ATF7: variants seen among roughly 807,000 people sequenced by gnomAD.
The protein encoded by ATF7 is activating transcription factor 7, also known as cyclic AMP-dependent transcription factor ATF-7.
Under a neutral mutation model 50.4 loss-of-function variants are expected in ATF7, and 10 were observed. The observed-to-expected ratio is 0.20, with a 90% CI of 0.12 to 0.34. The LOEUF (loss-of-function observed/expected upper bound fraction) is 0.34, where lower values mean the gene tolerates loss of function less well. Among genes scored for constraint, ATF7 ranks in the 10% least tolerant of loss-of-function variants. ATF7 has a pLI of 1.00. For synonymous variants in ATF7, 201 were observed against 226.4 expected (o/e 0.89, Z 1.01); for missense variants, 465 against 613.9 (o/e 0.76, Z 2.56).
rs147117893 is a variant in ATF7, at chr12:53,539,938, T to C, written c.265-2386A>G. On this transcript the variant is annotated intron_variant, in intron 4 of 11. Coordinates refer to ENST00000420353, the MANE Select transcript of ATF7 (RefSeq NM_006856.3). The stretch of plus-strand genomic sequence containing the variant: ...TGCAAAAATTAGCTGGGTGTGGTGG[T>C]GAGTGCCTGTAGTCCTAGTTACTCC... 2.6e-3 allele frequency among the ~76,000 whole-genome samples: 394 copies of C among 151,688 alleles called. 1 individual carries two copies. The highest frequency in any genetic ancestry group is 9.0e-3 in the African/African-American group (373 of 41,328).
rs143614485 is a variant in ATF7, at chr12:53,524,008, C to G, written c.1125+556G>C. Among the ~76,000 whole-genome samples the G allele has an allele frequency of 1.3e-5, 2 of 152,196 alleles. No homozygotes were observed. The highest frequency in any genetic ancestry group is 2.4e-5 in the African/African-American group (1 of 41,520). ...CTGAATGTATCTACAGGAAAGAGAA[C>G]GGGACTAGAAAAGGCAGATTAAAGA... On this transcript the variant is annotated intron_variant, in intron 10 of 11. Coordinates refer to ENST00000420353, the MANE Select transcript of ATF7 (RefSeq NM_006856.3). The surrounding 1 kb of genome is among the most constrained non-coding windows in gnomAD (Gnocchi z 4.6).
intron 10 of ATF7, 30 bp from the exon 11 acceptor site, chr12:53,523,414 A>G (rs1938242612): frequency 2.6e-6 from 4 of 1,519,682 alleles, no homozygotes; most frequent in Non-Finnish European, 3.7e-6. Context: ...AAGAGTATCA[A>G]GAAAATTCAT....
chr12:53,572,568 A>G (rs933548675), intron 2 of ATF7, among the ~76,000 whole-genome samples: 1 of 151,906 alleles, frequency 6.6e-6, no homozygotes, highest in Admixed American at 6.6e-5. Context: ...TGGCGGGGGG[A>G]AAGGGAAAAG....
chr12:53,593,169 C>T (rs896138144), intron 2 of ATF7, among the ~76,000 whole-genome samples: 4 of 152,114 alleles, frequency 2.6e-5, no homozygotes, highest in African/African-American at 9.7e-5. Flanking sequence ...ACTTGGGAGC[C>T]TCGGGTGAGA....
chr12:53,575,205 C>T (rs1307865788), intron 2 of ATF7, among the ~76,000 whole-genome samples: 3 of 151,702 alleles, frequency 2.0e-5, no homozygotes, highest in African/African-American at 4.8e-5. Context: ...GTTGAGAGTT[C>T]GAGACCAGCC....
chr12:53,580,443 T>A (rs572897190), intron 2 of ATF7, among the ~76,000 whole-genome samples: 1 of 150,446 alleles, frequency 6.6e-6, no homozygotes, highest in East Asian at 2.0e-4. Flanking sequence ...GGCGGGTAGA[T>A]CACAAGGTCA....
chr12:53,571,533 G>A (rs1262565371), intron 2 of ATF7, among the ~76,000 whole-genome samples: 1 of 151,618 alleles, frequency 6.6e-6, no homozygotes, highest in African/African-American at 2.4e-5. Context: ...CAGGCACAGT[G>A]GTGTGCACCT....
intron 1 of ATF7, among the ~76,000 whole-genome samples, chr12:53,610,790 T>C (rs1016952343): frequency 1.3e-5 from 2 of 152,134 alleles, no homozygotes; most frequent in African/African-American, 2.4e-5. Context: ...TCATTTTATT[T>C]AGGAAAATTA....
chr12:53,550,327 A>T (rs866628959), intron 3 of ATF7, among the ~76,000 whole-genome samples: 6 of 113,526 alleles, frequency 5.3e-5, no homozygotes, highest in Admixed American at 9.5e-5. Flanking sequence ...CTGTCTCAAA[A>T]AAAAAAATAA....
chr12:53,601,063 C>T (rs1943381073), intron 1 of ATF7, 42 bp from the exon 2 acceptor site: 3 of 1,333,326 alleles, frequency 2.3e-6, no homozygotes, highest in South Asian at 1.3e-5. Context: ...GTTAAATATG[C>T]TGGAGCAAAA....
At chr12:53,527,698 G>A (rs1210094057) in intron 9 of ATF7, among the ~76,000 whole-genome samples, 2 of 151,336 alleles carry the variant, frequency 1.3e-5, no homozygotes, top group Non-Finnish European at 2.9e-5. Context: ...GCATGGCTTA[G>A]ACCAGGATGG....
chr12:53,607,444 C>G (rs1943662241), intron 1 of ATF7, among the ~76,000 whole-genome samples: 1 of 152,126 alleles, frequency 6.6e-6, no homozygotes, highest in African/African-American at 2.4e-5. Context: ...TTCAGTCTCT[C>G]TATTCTAAGG....
intron 2 of ATF7, among the ~76,000 whole-genome samples, chr12:53,584,161 A>G (rs2137721685): frequency 6.6e-6 from 1 of 152,232 alleles, no homozygotes. Context: ...TTGTATTTTT[A>G]GGAGAGACGG....
chr12:53,613,407 A>G (rs770710794), intron 1 of ATF7, among the ~76,000 whole-genome samples: 115 of 152,198 alleles, frequency 7.6e-4, no homozygotes, highest in Non-Finnish European at 1.4e-3. Flanking sequence ...TGGGTTTGTT[A>G]TTTTAAAGTA....
chr12:53,535,132 G>A (rs1939139836), intron 5 of ATF7, among the ~76,000 whole-genome samples: 1 of 152,088 alleles, frequency 6.6e-6, no homozygotes, highest in Non-Finnish European at 1.5e-5. Flanking sequence ...TGATCATACT[G>A]TAATAAAACA....
intron 2 of ATF7, among the ~76,000 whole-genome samples, chr12:53,566,251 T>G (rs1010014870): frequency 4.6e-5 from 7 of 152,158 alleles, no homozygotes; most frequent in Non-Finnish European, 1.0e-4. Context: ...TGTCAATTAA[T>G]GCCTTGTATA....
At position 53,559,122 on chromosome 12, in the gene ATF7, A is replaced by T. The variant is rs988304735; in HGVS notation, c.49-6485T>A. Among the ~76,000 whole-genome samples the T allele has an allele frequency of 2.2e-3, 306 of 141,312 alleles. 1 individual carries two copies. Among genetic ancestry groups the T allele is most frequent in the African/African-American group, 7.6e-3 (296 of 39,066 alleles). 92.7% of individuals were successfully genotyped at this position (141,312 alleles called of 152,430 possible). A position where few individuals can be genotyped will look rare whatever the true frequency, so the allele number is the denominator to read the frequency against. ...CATCGTTAAGACCTTGTCTCTATTT[A>T]AAAAAAAAAAAAAAGGAATGGCCTG... is the stretch of plus-strand genomic sequence containing the variant. On this transcript the variant is annotated intron_variant, in intron 2 of 11. Transcript: ENST00000420353.
At chr12:53,533,351 T>A in intron 6 of ATF7, 92 bp from the exon 7 acceptor site, 1 of 1,098,534 alleles carries the variant, frequency 9.1e-7, no homozygotes, top group Non-Finnish European at 1.3e-6. Flanking sequence ...CAGTCTTCTC[T>A]AGTTAGGGAA....
intron 2 of ATF7, among the ~76,000 whole-genome samples, chr12:53,577,641 G>A (rs897269762): frequency 2.6e-5 from 4 of 151,574 alleles, no homozygotes; most frequent in Admixed American, 1.3e-4. Flanking sequence ...GCGTGAACCC[G>A]GGAGGCGGAG....
Sources: gnomAD v4.1 joint callset for allele counts (sites outside exome capture counted in the v4.1 genomes callset) on GRCh38, gnomAD v4.1.1 for gene constraint, Gnocchi (gnomAD v3.1) non-coding constraint, MANE v1.5 for transcripts, NCBI Gene and HGNC (gene_info 2026-07-23, HGNC 2026-07-21) for gene names.